The following LGALS3 variants were observed in gnomAD, a reference collection of about 807,000 sequenced individuals.
LGALS3 encodes galectin 3, also known as galectin-3.
In LGALS3, 18 loss-of-function variants were observed where a neutral mutation model predicts 20.7. The ratio of observed to expected loss-of-function variants is 0.87; its 90% CI spans 0.60 to 1.29. The LOEUF is 1.29. LGALS3 is among the 50% of genes most tolerant of loss of function. The pLI, the probability that LGALS3 is intolerant of heterozygous loss-of-function variation, is 0.00. For synonymous variants in LGALS3, 112 were observed against 119.6 expected (o/e 0.94, Z 0.42); for missense variants, 315 against 314.7 (o/e 1.00, Z -0.01).
chr14:55,135,668 G>T (rs1881371936), intron 1 of LGALS3, among the ~76,000 whole-genome samples: 1 of 141,758 alleles, frequency 7.1e-6, no homozygotes, highest in East Asian at 2.3e-4. Flanking sequence ...AGGCTCAAAT[G>T]ATCCTCCCAC....
chr14:55,136,644 CATTT>C (rs1024030710), intron 1 of LGALS3, among the ~76,000 whole-genome samples: 24 of 152,266 alleles, frequency 1.6e-4, no homozygotes, highest in South Asian at 8.3e-4. Flanking sequence ...TCCCTCTTCT[CATTT>C]ATTTGTGTTA....
In LGALS3 at chr14:55,142,715, C is replaced by G. The variant is rs200686001; in HGVS notation, c.563C>G (p.Ser188Trp). 3.1e-6 allele frequency: 5 copies of G among 1,613,484 alleles called. No individual in the cohort carries two copies. The highest frequency in any genetic ancestry group is 2.2e-5 in the East Asian group (1 of 44,852). Residue 188 changes from serine to tryptophan, a missense_variant, in exon 5 of 6, where the codon TCG becomes TGG. Coordinates refer to ENST00000254301, the MANE Select transcript of LGALS3 (RefSeq NM_002306.4). ...AACTGGGGAAGGGAAGAAAGACAGT[C>G]GGTTTTCCCATTTGAAAGTGGGAAA... Reference protein sequence around the residue: ...DNNWGREERQSVFPFESGKPF... With the variant: ...DNNWGREERQWVFPFESGKPF...
chr14:55,130,753 TG>T (rs752557592), intron 1 of LGALS3, among the ~76,000 whole-genome samples: 18,261 of 60,848 alleles, frequency 0.3, 1,549 homozygotes, highest in Non-Finnish European at 0.33. Context: ...GTGGTGGTGG[TG>T]GGGGGGGGGG....
chr14:55,139,076 T>A (rs1028536749), intron 3 of LGALS3, among the ~76,000 whole-genome samples: 1 of 152,170 alleles, frequency 6.6e-6, no homozygotes, highest in African/African-American at 2.4e-5. Context: ...CAAGGTAGCA[T>A]TGTCTCCTTT....
chr14:55,135,592 G>A (rs1200956103), intron 1 of LGALS3, among the ~76,000 whole-genome samples: 2 of 131,352 alleles, frequency 1.5e-5, no homozygotes, highest in Admixed American at 8.0e-5. Context: ...TTTGAGATGA[G>A]GTCGCTCTGT....
Position 55,145,337 on chromosome 14 carries a change from C to A in LGALS3, c.*66C>A. 1.2e-6 allele frequency: 2 copies of A among 1,601,836 alleles called. No homozygotes were observed. The highest frequency in any genetic ancestry group is 2.2e-5 in the South Asian group (2 of 90,380). On this transcript the variant is annotated 3_prime_UTR_variant, in exon 6 of 6. Transcript: ENST00000254301. ...CTTACATGTGTAAAGGTTTCATGTT[C>A]ACTGTGAGTGAAAATTTTTACATTC...
chr14:55,137,828 T>C, intron 2 of LGALS3: 2 of 1,302,220 alleles, frequency 1.5e-6, no homozygotes, highest in Non-Finnish European at 1.9e-6. Flanking sequence ...TCTGAGACGT[T>C]GGGAGGCAAG....
At chr14:55,137,660 G>A in intron 2 of LGALS3, 1 of 1,416,044 alleles carries the variant, frequency 7.1e-7, no homozygotes, top group Non-Finnish European at 9.2e-7. Context: ...TCTGCCGGCA[G>A]GAGCTGAGAA....
At chr14:55,137,242 C>T in intron 1 of LGALS3, 128 bp from the exon 2 acceptor site, 2 of 908,030 alleles carry the variant, frequency 2.2e-6, no homozygotes, top group South Asian at 2.7e-5. Context: ...TTTGTGGCGC[C>T]ACACTACTGA....
At position 55,143,372 on chromosome 14, in the gene LGALS3, C is replaced by T. The variant is rs1409189666; in HGVS notation, c.597+623C>T. The T allele has an allele frequency of 1.9e-5, 6 of 322,882 alleles. No homozygotes were observed. In the East Asian group the frequency reaches 6.4e-4, roughly 34 times the overall value. 20.0% of individuals were successfully genotyped at this position (322,882 alleles called of 1,614,324 possible). A position where few individuals can be genotyped will look rare whatever the true frequency, so the allele number is the denominator to read the frequency against. ...CAACAACAGGGACAAATAAGGACCA[C>T]AGTCTACATTTGGTGGATATCTTTT... On this transcript the variant is annotated intron_variant, in intron 5 of 5. Coordinates refer to ENST00000254301, the MANE Select transcript of LGALS3 (RefSeq NM_002306.4).
Position 55,145,209 on chromosome 14 carries a change from A to G in LGALS3, c.691A>G (p.Ile231Val). The G allele has an allele frequency of 6.2e-7, 1 of 1,614,006 alleles. No individual in the cohort carries two copies. Among genetic ancestry groups the G allele is most frequent in the Non-Finnish European group, 8.5e-7 (1 of 1,179,952 alleles). ...TCATCGGGTTAAAAAACTCAATGAAATCAGCAAACTGGGAATTTCTGGTGA... is the reference window on the plus strand; with the variant it reads ...TCATCGGGTTAAAAAACTCAATGAAGTCAGCAAACTGGGAATTTCTGGTGA... ...YNHRVKKLNE[I>V]SKLGISGDID... The change falls in exon 6 of 6, where the codon ATC (isoleucine) becomes GTC (valine). Residue 231 changes from isoleucine to valine, a missense_variant. Physicochemically the swap from Ile to Val is conservative, Grantham distance 29. Transcript: ENST00000254301.
intron 1 of LGALS3, among the ~76,000 whole-genome samples, chr14:55,134,688 A>G (rs1159248568): frequency 1.3e-5 from 2 of 152,200 alleles, no homozygotes; most frequent in Non-Finnish European, 2.9e-5. Flanking sequence ...AGGAGCTCAC[A>G]ACTTTTGCTT....
chr14:55,138,328 A>T lies in LGALS3; in HGVS notation c.302A>T (p.Tyr101Phe), dbSNP rs200922957. 12 of 1,568,798 alleles carry T rather than the reference A, an allele frequency of 7.6e-6. No individual in the cohort carries two copies. The African/African-American group carries it at 1.6e-4, about 21-fold the overall frequency. ...GGACAGCCAAGTGCCACCGGAGCCTACCCTGCCACTGGCCCCTATGGCGCC... is the reference window on the plus strand; with the variant it reads ...GGACAGCCAAGTGCCACCGGAGCCTTCCCTGCCACTGGCCCCTATGGCGCC... ...SSGQPSATGA[Y>F]PATGPYGAPA... The change falls in exon 3 of 6, where the codon TAC becomes TTC. Residue 101 changes from tyrosine (Y) to phenylalanine (F), a missense_variant. Transcript: ENST00000254301.
At position 55,138,304 on chromosome 14, in the gene LGALS3, G is replaced by A. The variant is rs765858829; in HGVS notation, c.278G>A (p.Gly93Glu). The A allele has an allele frequency of 6.2e-7, 1 of 1,612,682 alleles. No individual in the cohort carries two copies. Among genetic ancestry groups the A allele is most frequent in the Non-Finnish European group, 8.5e-7 (1 of 1,179,818 alleles). The change falls in exon 3 of 6, where the codon GGA becomes GAA. Residue 93 changes from glycine to glutamate, a missense_variant. By Grantham distance (98) the Gly-to-Glu change is moderately conservative. Transcript: ENST00000254301. ...GGCCCTGGGGCCTACCCATCTTCTG[G>A]ACAGCCAAGTGCCACCGGAGCCTAC... Reference protein sequence around the residue: ...PSGPGAYPSSGQPSATGAYPA... With the variant: ...PSGPGAYPSSEQPSATGAYPA...
intron 2 of LGALS3, 151 bp downstream of exon 2, chr14:55,137,542 C>T: frequency 6.4e-7 from 1 of 1,562,768 alleles, no homozygotes; most frequent in Non-Finnish European, 8.6e-7. Flanking sequence ...CAAGCTGGAG[C>T]CTTGTTTTTC....
intron 1 of LGALS3, among the ~76,000 whole-genome samples, chr14:55,130,832 C>T (rs1163667552): frequency 6.6e-6 from 1 of 151,836 alleles, no homozygotes; most frequent in Non-Finnish European, 1.5e-5. Context: ...CCTCGGCCTC[C>T]TAAAGTGCTG....
intron 4 of LGALS3, 106 bp from the exon 5 acceptor site, chr14:55,142,478 G>A: frequency 1.2e-6 from 1 of 846,282 alleles, no homozygotes; most frequent in Non-Finnish European, 1.8e-6. Context: ...AATTTCCTAG[G>A]TACTGTATTA....
At chr14:55,137,642 G>A in intron 2 of LGALS3, 1 of 1,428,496 alleles carries the variant, frequency 7.0e-7, no homozygotes, top group Non-Finnish European at 9.1e-7. Context: ...GGGCGGAAGG[G>A]AGTGGACTCT....
intron 1 of LGALS3, among the ~76,000 whole-genome samples, chr14:55,133,608 T>A (rs533448492): frequency 1.4e-4 from 22 of 152,246 alleles, no homozygotes; most frequent in South Asian, 4.2e-4. Flanking sequence ...ACATGCTTCA[T>A]AAGCTGAAAA....
Sources: gnomAD v4.1 joint callset for allele counts (sites outside exome capture counted in the v4.1 genomes callset) on GRCh38, gnomAD v4.1.1 for gene constraint, MANE v1.5 for transcripts, NCBI Gene and HGNC (gene_info 2026-07-23, HGNC 2026-07-21) for gene names.